ADD3: variants seen among roughly 807,000 people sequenced by gnomAD.
ADD3 encodes gamma-adducin.
Under a neutral mutation model 80.2 loss-of-function variants are expected in ADD3, and 25 were observed. The ratio of observed to expected loss-of-function variants is 0.31; its 90% CI spans 0.23 to 0.44. ADD3 has a LOEUF of 0.44. Among genes scored for constraint, ADD3 ranks in the 20% least tolerant of loss-of-function variants. ADD3 has a pLI of 1.00. For missense variants in ADD3, 829 were observed against 847.5 expected (o/e 0.98, Z 0.27); for synonymous variants, 284 against 289.6 (o/e 0.98, Z 0.20).
At chr10:110,048,655 C>T (rs1857157591) in intron 1 of ADD3, among the ~76,000 whole-genome samples, 1 of 152,118 alleles carries the variant, frequency 6.6e-6, no homozygotes, top group Non-Finnish European at 1.5e-5. Context: ...ATCTGTGGAA[C>T]TTTGAACTTG....
chr10:110,112,815 G>A lies in ADD3; in HGVS notation c.234G>A (p.Gln78=). 6.2e-7 allele frequency: 1 copy of A among 1,614,114 alleles called. No individual in the cohort carries two copies. Among genetic ancestry groups the A allele is most frequent in the Non-Finnish European group, 8.5e-7 (1 of 1,179,998 alleles). The change falls in exon 3 of 15, where the codon CAG becomes CAA. Residue 78 remains glutamine, a synonymous_variant. Coordinates refer to ENST00000356080, the MANE Select transcript of ADD3 (RefSeq NM_016824.5). The part of the protein sequence containing the change: ...REDLECLIQE[Q]MKKGHNPTGL... Reference sequence around the variant, plus strand: ...ACTTGGAATGCCTTATTCAAGAACAGATGAAGAAAGGCCACAACCCAACTG... The same window carrying A: ...ACTTGGAATGCCTTATTCAAGAACAAATGAAGAAAGGCCACAACCCAACTG...
At chr10:110,071,886 T>C (rs1036147057) in intron 1 of ADD3, among the ~76,000 whole-genome samples, 1 of 151,648 alleles carries the variant, frequency 6.6e-6, no homozygotes, top group Admixed American at 6.5e-5. Flanking sequence ...TTATGTTGTG[T>C]ACATTTTTTT....
intron 1 of ADD3, chr10:110,075,735 G>C (rs1395061588): frequency 1.3e-5 from 2 of 152,276 alleles, no homozygotes; most frequent in East Asian, 3.9e-4. Flanking sequence ...TAGTTTGAGG[G>C]GGGAGATGAG....
At chr10:110,114,041 G>T (rs1850376507) in intron 3 of ADD3, among the ~76,000 whole-genome samples, 1 of 152,170 alleles carries the variant, frequency 6.6e-6, no homozygotes, top group South Asian at 2.1e-4. Context: ...AATAGTAAAA[G>T]AAGCTGCCCT....
At position 110,124,043 on chromosome 10, in the gene ADD3, G is replaced by A; in HGVS notation, c.1170G>A (p.Arg390=). ...NLGYRTGYAY[R]HPLIREKPRH... is the part of the protein sequence containing the mutation. ...GGTATAGAACAGGCTATGCTTACAGGCATCCTCTCATTCGAGAGAAGCCTA... is the reference window on the plus strand; with the variant it reads ...GGTATAGAACAGGCTATGCTTACAGACATCCTCTCATTCGAGAGAAGCCTA... Residue 390 remains arginine, a synonymous_variant, in exon 10 of 15, where the codon AGG becomes AGA. Transcript: ENST00000356080. 4.3e-6 allele frequency: 7 copies of A among 1,614,126 alleles called. No individual in the cohort carries two copies. The highest frequency in any genetic ancestry group is 5.1e-6 in the Non-Finnish European group (6 of 1,180,008).
chr10:110,092,275 A>G (rs1847620290), intron 1 of ADD3, among the ~76,000 whole-genome samples: 1 of 152,228 alleles, frequency 6.6e-6, no homozygotes, highest in African/African-American at 2.4e-5. Context: ...AAATATGTTC[A>G]TTGCAGCACT....
At chr10:110,007,696 G>C (rs913446588), upstream of ADD3, among the ~76,000 whole-genome samples, 79 of 152,306 alleles carry the variant, frequency 5.2e-4, no homozygotes, top group Middle Eastern at 3.4e-3. Context: ...CACCGCTGCG[G>C]CTTCACGGAC....
chr10:110,092,795 AC>A (rs1554944226), intron 1 of ADD3, among the ~76,000 whole-genome samples: 1 of 151,646 alleles, frequency 6.6e-6, no homozygotes, highest in Non-Finnish European at 1.5e-5. Context: ...GAAAAAAAAA[AC>A]CCCTCAGTTT....
At chr10:110,011,774 C>T (rs374459569) in intron 1 of ADD3, among the ~76,000 whole-genome samples, 1 of 152,292 alleles carries the variant, frequency 6.6e-6, no homozygotes, top group East Asian at 1.9e-4. Flanking sequence ...AAATAAGTGC[C>T]TTAATACTTT....
At chr10:110,116,230 A>G in intron 3 of ADD3, 29 bp from the exon 4 acceptor site, 1 of 1,611,264 alleles carries the variant, frequency 6.2e-7, no homozygotes, top group Non-Finnish European at 8.5e-7. Context: ...CATGACTCGT[A>G]TCTCTCTCCA....
intron 1 of ADD3, among the ~76,000 whole-genome samples, chr10:110,098,685 A>G (rs1848458056): frequency 6.6e-6 from 1 of 151,528 alleles, no homozygotes; most frequent in Non-Finnish European, 1.5e-5. Context: ...GCTGCAGTGC[A>G]ATGGCGTGAT....
chr10:110,135,544 A>G lies in ADD3; in HGVS notation c.*1926A>G, dbSNP rs936899162. The G allele has an allele frequency of 6.6e-6, 1 of 152,624 alleles. No individual in the cohort carries two copies. Among genetic ancestry groups the G allele is most frequent in the African/African-American group, 2.4e-5 (1 of 41,442 alleles). 9.5% of individuals were successfully genotyped at this position (152,624 alleles called of 1,614,324 possible). Reference sequence around the variant, plus strand: ...TAATGCTAATTAATGTTAAATCACAAATAAACAGTATTTTAAATATACGGA... The same window carrying G: ...TAATGCTAATTAATGTTAAATCACAGATAAACAGTATTTTAAATATACGGA... On this transcript the variant is annotated 3_prime_UTR_variant, in exon 15 of 15. Coordinates refer to ENST00000356080, the MANE Select transcript of ADD3 (RefSeq NM_016824.5).
Position 110,122,147 on chromosome 10 carries a change from T to G in ADD3, c.998T>G (p.Leu333Arg). The change falls in exon 9 of 15, where the codon CTC (leucine) becomes CGC (arginine). Residue 333 changes from leucine to arginine, a missense_variant. By Grantham distance (102) the Leu-to-Arg change is moderately radical (BLOSUM62 -2). Transcript: ENST00000356080. ...GCAGGTGCAGGTGGAGTAGACAATC[T>G]CCATGTACTGGACTTTCAGAAGTAT... ...ALAGAGGVDNLHVLDFQKYKA... is the reference protein window; with the variant it reads ...ALAGAGGVDNRHVLDFQKYKA... The G allele has an allele frequency of 1.2e-6, 2 of 1,614,120 alleles. No homozygotes were observed. Among genetic ancestry groups the G allele is most frequent in the Non-Finnish European group, 1.7e-6 (2 of 1,179,964 alleles).
Position 110,067,071 on chromosome 10 carries a change from T to G in ADD3, c.-29-33554T>G, listed in dbSNP as rs546101671. On this transcript the variant is annotated intron_variant, in intron 1 of 14. Coordinates refer to ENST00000356080, the MANE Select transcript of ADD3 (RefSeq NM_016824.5). ...CAAGCACACCTTGACTTTTGTATTA[T>G]GGTGAAAGCAAATGCTTGTTAACTG... is the stretch of plus-strand genomic sequence containing the variant. Among the ~76,000 whole-genome samples, 141 of 152,356 alleles carry G rather than the reference T, an allele frequency of 9.3e-4. 3 individuals carry two copies. Among genetic ancestry groups the G allele is most frequent in the Admixed American group, 1.7e-3 (26 of 15,300 alleles).
At chr10:110,044,664 A>G (rs1482072165) in intron 1 of ADD3, among the ~76,000 whole-genome samples, 1 of 152,248 alleles carries the variant, frequency 6.6e-6, no homozygotes, top group African/African-American at 2.4e-5. Flanking sequence ...TCAAAATAAA[A>G]TTGTAGACTA....
intron 1 of ADD3, among the ~76,000 whole-genome samples, chr10:110,038,768 C>G (rs1340889093): frequency 6.6e-6 from 1 of 152,132 alleles, no homozygotes; most frequent in African/African-American, 2.4e-5. Context: ...TGTTTGTAAA[C>G]TAGTAAAGAC....
chr10:110,019,935 T>C (rs906424161), intron 1 of ADD3, among the ~76,000 whole-genome samples: 2 of 152,204 alleles, frequency 1.3e-5, no homozygotes, highest in Admixed American at 1.3e-4. Context: ...CCAGAGTTTG[T>C]TGTCAGCTCT....
intron 4 of ADD3, 50 bp downstream of exon 4, chr10:110,116,460 G>T: frequency 6.3e-7 from 1 of 1,585,578 alleles, no homozygotes. Flanking sequence ...CAGCTAGAAG[G>T]CAACTATACT....
At chr10:110,038,353 G>C (rs1589824886) in intron 1 of ADD3, among the ~76,000 whole-genome samples, 2 of 152,176 alleles carry the variant, frequency 1.3e-5, no homozygotes, top group Admixed American at 1.3e-4. Context: ...ATCTTTTGCA[G>C]CCAGCCTGTA....
Sources: gnomAD v4.1 joint callset for allele counts (sites outside exome capture counted in the v4.1 genomes callset) on GRCh38, gnomAD v4.1.1 for gene constraint, MANE v1.5 for transcripts, NCBI Gene and HGNC (gene_info 2026-07-23, HGNC 2026-07-21) for gene names.